The following NRXN3 variants were observed in gnomAD, a reference collection of about 807,000 sequenced individuals.
The protein encoded by NRXN3 is neurexin 3.
In NRXN3, 32 loss-of-function variants were observed where a neutral mutation model predicts 137.6. The ratio of observed to expected loss-of-function variants is 0.23; its 90% confidence interval spans 0.18 to 0.31. NRXN3 has a LOEUF of 0.31. Ranked by LOEUF, NRXN3 falls within the 10% of genes least tolerant of loss-of-function variation. NRXN3 has a pLI of 1.00. For missense variants in NRXN3, 1,574 were observed against 2,062.5 expected (o/e 0.76, Z 4.59); for synonymous variants, 798 against 784.5 (o/e 1.02, Z -0.29).
intron 6 of NRXN3, among the ~76,000 whole-genome samples, chr14:78,696,651 G>A (rs970371827): frequency 5.3e-5 from 8 of 151,972 alleles, no homozygotes; most frequent in Non-Finnish European, 1.0e-4. Context: ...GGATCAAATA[G>A]GGTGGCCATC....
At chr14:79,564,379 G>T (rs1342502619) in intron 16 of NRXN3, among the ~76,000 whole-genome samples, 1 of 152,100 alleles carries the variant, frequency 6.6e-6, no homozygotes, top group Admixed American at 6.6e-5. Flanking sequence ...AATTTGCCAG[G>T]TATCTTTAGT....
chr14:79,856,618 C>T (rs200340828), intron 20 of NRXN3, among the ~76,000 whole-genome samples: 6 of 143,548 alleles, frequency 4.2e-5, no homozygotes, highest in Admixed American at 1.4e-4. Flanking sequence ...TTTTTTTGTT[C>T]TTTTTTTTTT....
intron 16 of NRXN3, among the ~76,000 whole-genome samples, chr14:79,622,561 ACTT>A (rs2098235782): frequency 6.6e-6 from 1 of 152,106 alleles, no homozygotes; most frequent in Admixed American, 6.6e-5. Context: ...CCCAGATACT[ACTT>A]GTCTGTTATT....
chr14:79,554,702 C>A (rs1196174812), intron 16 of NRXN3, among the ~76,000 whole-genome samples: 4 of 152,094 alleles, frequency 2.6e-5, no homozygotes, highest in African/African-American at 4.8e-5. Context: ...TACTCAGCCC[C>A]CAACATGAGA....
chr14:79,340,931 T>C (rs1421532017), intron 15 of NRXN3, among the ~76,000 whole-genome samples: 1 of 152,190 alleles, frequency 6.6e-6, no homozygotes, highest in Non-Finnish European at 1.5e-5. Flanking sequence ...TTCTCAAAGC[T>C]CAGAACATTT....
chr14:79,358,605 A>C (rs139417043), intron 15 of NRXN3, among the ~76,000 whole-genome samples: 1 of 26,824 alleles, frequency 3.7e-5, no homozygotes, highest in African/African-American at 9.9e-5. Flanking sequence ...GAAAGAAAGA[A>C]AGAGAAAGAA....
intron 15 of NRXN3, among the ~76,000 whole-genome samples, chr14:79,018,602 ACT>A (rs940822995): frequency 6.6e-6 from 1 of 152,038 alleles, no homozygotes; most frequent in African/African-American, 2.4e-5. Context: ...TTCCTCTCTC[ACT>A]CTCCTTTACA....
At position 78,298,000 on chromosome 14, in the gene NRXN3, C is replaced by A. The variant is rs2076516051; in HGVS notation, c.757+140C>A. On this transcript the variant is annotated intron_variant, in intron 4 of 20. Coordinates refer to ENST00000335750, the MANE Select transcript of NRXN3 (RefSeq NM_001330195.2). ...CGCTGGGCCAGGCTGGCTGCAGGAC[C>A]ACCCTGCAGTGGGGGTGGGGGCACC... 1.4e-5 allele frequency: 13 copies of A among 903,222 alleles called. No homozygotes were observed. The South Asian group carries it at 1.5e-4, about 11-fold the overall frequency. 56.0% of individuals were successfully genotyped at this position (903,222 alleles called of 1,614,324 possible).
At chr14:78,353,134 C>G (rs559005045) in intron 4 of NRXN3, among the ~76,000 whole-genome samples, 1 of 152,040 alleles carries the variant, frequency 6.6e-6, no homozygotes, top group African/African-American at 2.4e-5. Flanking sequence ...ATGAGGAAAC[C>G]GGACTGGAGA....
chr14:78,919,389 C>T (rs1309584510), intron 10 of NRXN3, among the ~76,000 whole-genome samples: 2 of 152,106 alleles, frequency 1.3e-5, no homozygotes, highest in Non-Finnish European at 2.9e-5. Flanking sequence ...CAATTATTTT[C>T]AATATCTATT....
chr14:79,279,609 C>G lies in NRXN3; in HGVS notation c.3263-187612C>G, dbSNP rs45503191. 5.1e-3 allele frequency: 5,034 copies of G among 984,286 alleles called. 17 individuals carry two copies. The highest frequency in any genetic ancestry group is 5.8e-3 in the Non-Finnish European group (4,832 of 828,790). 61.0% of individuals were successfully genotyped at this position (984,286 alleles called of 1,614,324 possible). A position where few individuals can be genotyped will look rare whatever the true frequency, so the allele number is the denominator to read the frequency against. On this transcript the variant is annotated intron_variant, in intron 15 of 20. Transcript: ENST00000335750. ...TATTCTCTTCCTCTGGCTGCGGTGGCTGCTGCTGCTGCTGGTTTTCATCCA... is the reference window on the plus strand; with the variant it reads ...TATTCTCTTCCTCTGGCTGCGGTGGGTGCTGCTGCTGCTGGTTTTCATCCA...
chr14:78,902,156 A>C (rs1054887969), intron 10 of NRXN3, among the ~76,000 whole-genome samples: 1 of 151,572 alleles, frequency 6.6e-6, no homozygotes, highest in Non-Finnish European at 1.5e-5. Context: ...TTGCAAAAGA[A>C]TTCTGTTTTC....
intron 4 of NRXN3, among the ~76,000 whole-genome samples, chr14:78,630,033 C>T (rs540609871): frequency 3.3e-5 from 5 of 152,280 alleles, no homozygotes; most frequent in African/African-American, 1.2e-4. Flanking sequence ...TTATTTTTTA[C>T]CTTCTGACAT....
At chr14:78,743,099 AT>A (rs1414821011) in intron 8 of NRXN3, among the ~76,000 whole-genome samples, 1 of 152,214 alleles carries the variant, frequency 6.6e-6, no homozygotes, top group East Asian at 1.9e-4. Context: ...TGGGTCAAAC[AT>A]CAAAGCAAAA....
chr14:78,760,804 C>T (rs34411553), intron 8 of NRXN3, among the ~76,000 whole-genome samples: 11,367 of 151,952 alleles, frequency 0.075, 557 homozygotes, highest in South Asian at 0.15. Context: ...GAGCCCTTTG[C>T]GTTAATAAAT....
chr14:78,292,649 T>G (rs542346661), intron 3 of NRXN3, among the ~76,000 whole-genome samples: 1 of 152,360 alleles, frequency 6.6e-6, no homozygotes, highest in South Asian at 2.1e-4. Flanking sequence ...AATTTGACAT[T>G]GGCAATTCTT....
At chr14:78,310,376 G>A (rs1007105300) in intron 4 of NRXN3, among the ~76,000 whole-genome samples, 5 of 150,888 alleles carry the variant, frequency 3.3e-5, no homozygotes, top group Non-Finnish European at 5.9e-5. Flanking sequence ...GTGGGTTGTC[G>A]CAGTGCACAG....
At chr14:79,223,914 T>C (rs571979138) in intron 15 of NRXN3, among the ~76,000 whole-genome samples, 1 of 152,242 alleles carries the variant, frequency 6.6e-6, no homozygotes, top group South Asian at 2.1e-4. Context: ...GTGACTTTAC[T>C]ATGATGCTCA....
intron 15 of NRXN3, among the ~76,000 whole-genome samples, chr14:79,085,027 G>A (rs1407717049): frequency 6.6e-6 from 1 of 152,092 alleles, no homozygotes; most frequent in Non-Finnish European, 1.5e-5. Flanking sequence ...GATTATGCCT[G>A]GCACCTGCTT....
Sources: allele counts gnomAD v4.1 joint callset (sites outside exome capture counted in the v4.1 genomes callset), GRCh38; gene constraint gnomAD v4.1.1; transcripts MANE v1.5; gene names NCBI Gene and HGNC (gene_info 2026-07-23, HGNC 2026-07-21).